ABHD5: variants seen among roughly 807,000 people sequenced by gnomAD.
ABHD5 encodes the protein abhydrolase domain containing 5, lysophosphatidic acid acyltransferase, also known as 1-acylglycerol-3-phosphate O-acyltransferase ABHD5.
In ABHD5, 30 loss-of-function variants were observed where a neutral mutation model predicts 44.9. The ratio of observed to expected loss-of-function variants is 0.67; its 90% confidence interval spans 0.50 to 0.91. The LOEUF is 0.91. ABHD5 is among the 40% of genes least tolerant of loss of function. ABHD5 has a pLI of 0.00. For synonymous variants in ABHD5, 167 were observed against 147.0 expected, an observed-to-expected ratio of 1.14 and a Z score of -0.99; for missense variants, 399 against 423.4, an observed-to-expected ratio of 0.94 and a Z score of 0.50.
chr3:43,694,190 C>T (rs1449700177), intron 1 of ABHD5, among the ~76,000 whole-genome samples: 33 of 140,546 alleles, frequency 2.3e-4, no homozygotes, highest in Non-Finnish European at 3.0e-5. Context: ...ACCCAGGAGG[C>T]GGAGCTTGCA....
chr3:43,733,515 C>G (rs906233817), intron 7 of ABHD5, among the ~76,000 whole-genome samples: 2 of 152,172 alleles, frequency 1.3e-5, no homozygotes, highest in Non-Finnish European at 2.9e-5. Context: ...ATTAAAAGGT[C>G]AAAATGTTAT....
At chr3:43,714,769 A>G (rs778632423) in intron 4 of ABHD5, among the ~76,000 whole-genome samples, 178 bp from the exon 5 acceptor site, 7 of 152,184 alleles carry the variant, frequency 4.6e-5, no homozygotes, top group Non-Finnish European at 8.8e-5. Context: ...GGGGAACTTT[A>G]GGAGGACAGC....
At chr3:43,691,350 A>C in intron 1 of ABHD5, 1 of 225,658 alleles carries the variant, frequency 4.4e-6, no homozygotes, top group Non-Finnish European at 8.6e-6. Flanking sequence ...CGGGCCGGCG[A>C]CGGAGCTGGC....
chr3:43,691,154 C>A lies in ABHD5; in HGVS notation c.47+115C>A, dbSNP rs1318185870. 6.2e-5 allele frequency: 68 copies of A among 1,090,446 alleles called. 1 individual carries two copies. Among genetic ancestry groups the A allele is most frequent in the Admixed American group, 8.5e-5 (2 of 23,616 alleles). The allele number at this position is 1,090,446 out of a possible 1,614,324, so 67.5% of individuals were successfully genotyped here. On this transcript the variant is annotated intron_variant, in intron 1 of 6. Transcript: ENST00000644371. ...TCGCCGCCCGCCTGGCGACGACGGG[C>A]GGCTTCCTCGACCCTCCCCGGCATG...
At position 43,709,296 on chromosome 3, in the gene ABHD5, TTCAAAAAGAAACAAAAAGA is replaced by T. The variant is rs1234338751; in HGVS notation, c.507-2409_507-2391del. ...CAATTGTAGGCACGGTTCACTCCTT[TTCAAAAAGAAACAAAAAGA>T]TCATCTGCCTTAGTATATATACTTT... On this transcript the variant is annotated intron_variant, in intron 3 of 6. Coordinates refer to ENST00000644371, the MANE Select transcript of ABHD5 (RefSeq NM_016006.6). 7.2e-4 allele frequency among the ~76,000 whole-genome samples: 110 copies of T among 152,338 alleles called. 1 individual carries two copies. Among genetic ancestry groups the T allele is most frequent in the African/African-American group, 2.5e-3 (103 of 41,576 alleles).
In ABHD5 at chr3:43,711,792, G is replaced by A. The variant is rs1201672279; in HGVS notation, c.590G>A (p.Trp197Ter). Residue 197 changes from tryptophan to a stop codon, truncating the protein, a stop_gained, in exon 4 of 7, where the codon TGG becomes TAG. Transcript: ENST00000644371. LOFTEE classifies it high-confidence loss of function. Reference sequence around the variant, plus strand: ...GATCAAGACAGACCAATTCCAGTTTGGATCAGAGCCTTGGGAGCAGCATTG... The same window carrying A: ...GATCAAGACAGACCAATTCCAGTTTAGATCAGAGCCTTGGGAGCAGCATTG... ...LADQDRPIPVWIRALGAALTP... is the reference protein window; with the variant it reads ...LADQDRPIPV 1.9e-6 allele frequency: 3 copies of A among 1,614,180 alleles called. No individual in the cohort carries two copies. The highest frequency in any genetic ancestry group is 1.3e-5 in the African/African-American group (1 of 75,038).
chr3:43,723,767 G>A (rs2084859353), downstream of ABHD5, among the ~76,000 whole-genome samples: 1 of 150,074 alleles, frequency 6.7e-6, no homozygotes, highest in Admixed American at 6.6e-5. Flanking sequence ...AGTGTTAATA[G>A]GACTTTAAGA....
chr3:43,727,457 A>G (rs1205390472), downstream of ABHD5, among the ~76,000 whole-genome samples: 1 of 152,178 alleles, frequency 6.6e-6, no homozygotes, highest in Non-Finnish European at 1.5e-5. Flanking sequence ...CCATGCTGAA[A>G]GAATGCTTAC....
chr3:43,717,168 C>T (rs994682775), intron 5 of ABHD5, among the ~76,000 whole-genome samples: 5 of 150,728 alleles, frequency 3.3e-5, no homozygotes, highest in African/African-American at 1.2e-4. Flanking sequence ...GAGCTAGACT[C>T]CATCTCAAAA....
intron 7 of ABHD5, among the ~76,000 whole-genome samples, chr3:43,729,899 C>G (rs763558757): frequency 1.8e-4 from 27 of 152,254 alleles, no homozygotes; most frequent in Non-Finnish European, 3.4e-4. Flanking sequence ...TCTATGGTTC[C>G]TTTGTGTGCT....
intron 1 of ABHD5, among the ~76,000 whole-genome samples, chr3:43,696,927 G>GA (rs2084480993): frequency 6.6e-6 from 1 of 152,162 alleles, no homozygotes; most frequent in Non-Finnish European, 1.5e-5. Context: ...CTGTTTTGAT[G>GA]AAAATGCTTC....
At chr3:43,698,104 C>T (rs1324700598) in intron 1 of ABHD5, among the ~76,000 whole-genome samples, 1 of 152,172 alleles carries the variant, frequency 6.6e-6, no homozygotes, top group African/African-American at 2.4e-5. Flanking sequence ...GATGTTGGTA[C>T]ACAACCCTTC....
At chr3:43,699,497 A>T in intron 2 of ABHD5, 136 bp downstream of exon 2, 1 of 876,896 alleles carries the variant, frequency 1.1e-6, no homozygotes, top group Non-Finnish European at 1.8e-6. Flanking sequence ...TTTCCTTGTC[A>T]TTAGAAAGTA....
At chr3:43,728,413 T>C (rs913954385) in intron 7 of ABHD5, among the ~76,000 whole-genome samples, 1 of 152,240 alleles carries the variant, frequency 6.6e-6, no homozygotes, top group Non-Finnish European at 1.5e-5. Flanking sequence ...TGAGTGTTTT[T>C]AAACTTCTAC....
rs145048839 is a variant in ABHD5, at chr3:43,711,967, A to G, written c.661+104A>G. 120 of 1,500,644 alleles carry G rather than the reference A, an allele frequency of 8.0e-5. 2 individuals carry two copies. In the African/African-American group the frequency reaches 1.5e-3, roughly 19 times the overall value. 93.0% of individuals were successfully genotyped at this position (1,500,644 alleles called of 1,614,324 possible). ...TTAAAAACAAACAAGAAAACCCTGA[A>G]CCCTTACTTTTTCTCCTCTTCCTCT... On this transcript the variant is annotated intron_variant, in intron 4 of 6. Transcript: ENST00000644371.
At position 43,719,661 on chromosome 3, in the gene ABHD5, T is replaced by TA. The variant is rs1295477885; in HGVS notation, c.*1130dup. 5.9e-5 allele frequency: 9 copies of TA among 152,188 alleles called. No individual in the cohort carries two copies. Among genetic ancestry groups the TA allele is most frequent in the Admixed American group, 5.9e-4 (9 of 15,284 alleles). The allele number at this position is 152,188 out of a possible 1,614,324, so 9.4% of individuals were successfully genotyped here. A position where few individuals can be genotyped will look rare whatever the true frequency, so the allele number is the denominator to read the frequency against. On this transcript the variant is annotated 3_prime_UTR_variant, in exon 7 of 7. Transcript: ENST00000644371. ...TTGATTGAACTATTTTTTTAGGAAC[T>TA]ACCATCAAGTGTAGCATTTTCTTGC...
At chr3:43,691,750 T>G (rs915395813) in intron 1 of ABHD5, among the ~76,000 whole-genome samples, 4 of 152,194 alleles carry the variant, frequency 2.6e-5, no homozygotes, top group Non-Finnish European at 4.4e-5. Flanking sequence ...CACGTTCAAA[T>G]GTCATAATTC....
At chr3:43,733,108 CTT>C (rs1369228472) in intron 7 of ABHD5, among the ~76,000 whole-genome samples, 2 of 152,200 alleles carry the variant, frequency 1.3e-5, no homozygotes, top group Non-Finnish European at 2.9e-5. Context: ...ATCCCGCGGT[CTT>C]TGCTGGATTC....
Position 43,711,731 on chromosome 3 carries a change from G to T in ABHD5, c.529G>T (p.Glu177Ter). Residue 177 changes from glutamate to a stop codon, truncating the protein, a stop_gained, in exon 4 of 7, where the codon GAG becomes TAG. Coordinates refer to ENST00000644371, the MANE Select transcript of ABHD5 (RefSeq NM_016006.6). LOFTEE classifies it high-confidence loss of function. ...PSRVNHLILVEPWGFPERPDL... is the reference protein window; with the variant it reads ...PSRVNHLILV Reference sequence around the variant, plus strand: ...CAGGGTTAATCATCTCATTTTAGTGGAGCCTTGGGGTTTCCCTGAACGACC... The same window carrying T: ...CAGGGTTAATCATCTCATTTTAGTGTAGCCTTGGGGTTTCCCTGAACGACC... The T allele has an allele frequency of 1.2e-6, 2 of 1,614,046 alleles. No homozygotes were observed. The highest frequency in any genetic ancestry group is 1.7e-6 in the Non-Finnish European group (2 of 1,180,008).
Sources: allele counts gnomAD v4.1 joint callset (sites outside exome capture counted in the v4.1 genomes callset), GRCh38; gene constraint gnomAD v4.1.1; transcripts MANE v1.5; gene names NCBI Gene and HGNC (gene_info 2026-07-23, HGNC 2026-07-21).